GPNMB: variants seen among roughly 807,000 people sequenced by gnomAD.
GPNMB encodes the protein transmembrane glycoprotein NMB.
A neutral mutation model predicts 57.3 loss-of-function variants in GPNMB; 71 were observed. The observed-to-expected ratio is 1.24, with a 90% CI of 1.02 to 1.51. The LOEUF (loss-of-function observed/expected upper bound fraction) is 1.51, where lower values mean the gene tolerates loss of function less well. GPNMB is among the 40% of genes most tolerant of loss of function. The pLI is 0.00. For synonymous variants in GPNMB, 253 were observed against 263.2 expected, an observed-to-expected ratio of 0.96 and a Z score of 0.38; for missense variants, 677 against 691.9, an observed-to-expected ratio of 0.98 and a Z score of 0.24.
chr7:23,269,713 G>C (rs1022097231), intron 8 of GPNMB, among the ~76,000 whole-genome samples: 6 of 152,152 alleles, frequency 3.9e-5, no homozygotes, highest in Non-Finnish European at 5.9e-5. Context: ...CTTCCCCTGG[G>C]GGAGATCTTT....
At chr7:23,265,215 C>G (rs1783028741) in intron 6 of GPNMB, among the ~76,000 whole-genome samples, 1 of 152,196 alleles carries the variant, frequency 6.6e-6, no homozygotes, top group Admixed American at 6.5e-5. Context: ...AGGAAAATCA[C>G]AGGGATGTTC....
At chr7:23,246,971 T>G in intron 1 of GPNMB, 44 bp downstream of exon 1, 20 of 1,331,326 alleles carry the variant, frequency 1.5e-5, no homozygotes, top group African/African-American at 4.3e-5. Flanking sequence ...TCTCTGGCCA[T>G]TGGCTGAAAT....
rs200910471 is a variant in GPNMB, at chr7:23,273,608, T to G, written c.1517T>G (p.Val506Gly). 2 of 1,604,558 alleles carry G rather than the reference T, an allele frequency of 1.2e-6. No individual in the cohort carries two copies. The highest frequency in any genetic ancestry group is 2.2e-5 in the East Asian group (1 of 44,816). ...AIFVTVISLL[V>G]YKKHKEYNPI... is the part of the protein sequence containing the mutation. ...TTTGTCACTGTGATCTCCCTCTTGGTGTACAAGTAAGTTTTTGGTTCCTAC... is the reference window on the plus strand; with the variant it reads ...TTTGTCACTGTGATCTCCCTCTTGGGGTACAAGTAAGTTTTTGGTTCCTAC... Residue 506 changes from valine (V) to glycine (G), a missense_variant, in exon 10 of 11, where the codon GTG (valine) becomes GGG (glycine). Transcript: ENST00000258733.
chr7:23,248,603 G>A (rs1047743342), intron 1 of GPNMB, among the ~76,000 whole-genome samples: 1 of 152,118 alleles, frequency 6.6e-6, no homozygotes, highest in African/African-American at 2.4e-5. Flanking sequence ...CAAGGTAGGT[G>A]GAGGCAGCCC....
chr7:23,262,312 G>A (rs1338298899), intron 6 of GPNMB, among the ~76,000 whole-genome samples: 1 of 152,070 alleles, frequency 6.6e-6, no homozygotes, highest in African/African-American at 2.4e-5. Flanking sequence ...GTCCCCACTC[G>A]TACTCTCCTC....
intron 1 of GPNMB, chr7:23,247,230 C>T: frequency 2.5e-6 from 1 of 400,530 alleles, no homozygotes. Context: ...GAGGGTTGGA[C>T]AGCCTCCGGC....
rs147916545 is a variant in GPNMB, at chr7:23,262,006, A to G, written c.1018+1233A>G. 2.6e-3 allele frequency among the ~76,000 whole-genome samples: 395 copies of G among 152,226 alleles called. 1 individual carries two copies. Among genetic ancestry groups the G allele is most frequent in the African/African-American group, 8.9e-3 (369 of 41,520 alleles). ...GCACCCCAGGATCCTGGGGATAGCAATAGGCTGACATCCTCTCACTGGTCA... is the reference window on the plus strand; with the variant it reads ...GCACCCCAGGATCCTGGGGATAGCAGTAGGCTGACATCCTCTCACTGGTCA... On this transcript the variant is annotated intron_variant, in intron 6 of 10. Transcript: ENST00000258733.
intron 1 of GPNMB, among the ~76,000 whole-genome samples, chr7:23,253,101 A>G (rs1583815639): frequency 6.6e-6 from 1 of 152,236 alleles, no homozygotes; most frequent in African/African-American, 2.4e-5. Flanking sequence ...TGATTCATTT[A>G]AAGTTCATAA....
rs764251856 is a variant in GPNMB, at chr7:23,267,996, T to C, written c.1220+8T>C. 6.4e-7 allele frequency: 1 copy of C among 1,552,490 alleles called. No homozygotes were observed. Among genetic ancestry groups the C allele is most frequent in the South Asian group, 1.1e-5 (1 of 89,724 alleles). ...CGTGACCTGCCAAGGGAGGTGAGTA[T>C]ATTATCTCCGACAGAGGCATGGGTG... On this transcript the variant is annotated splice_region_variant and intron_variant, in intron 8 of 10. Coordinates refer to ENST00000258733, the MANE Select transcript of GPNMB (RefSeq NM_002510.3).
At chr7:23,273,916 G>A (rs960122322) in intron 10 of GPNMB, 149 bp from the exon 11 acceptor site, 31 of 611,808 alleles carry the variant, frequency 5.1e-5, no homozygotes, top group Non-Finnish European at 7.6e-5. Flanking sequence ...GTAAATAAAT[G>A]TACTTTCATA....
chr7:23,269,699 G>GC (rs1020991490), intron 8 of GPNMB, among the ~76,000 whole-genome samples: 1 of 152,168 alleles, frequency 6.6e-6, no homozygotes, highest in South Asian at 2.1e-4. Flanking sequence ...GTTTCCATCA[G>GC]CCCCTTCCCC....
Position 23,254,153 on chromosome 7 carries a change from C to T in GPNMB, c.224-16C>T. 2.5e-6 allele frequency: 4 copies of T among 1,587,854 alleles called. No individual in the cohort carries two copies. Among genetic ancestry groups the T allele is most frequent in the Non-Finnish European group, 3.4e-6 (4 of 1,170,698 alleles). ...AAAGATGCTGGATCATCGAGCCCCACTTTTTTATACCCTAGGAGGCCGTGT... is the reference window on the plus strand; with the variant it reads ...AAAGATGCTGGATCATCGAGCCCCATTTTTTTATACCCTAGGAGGCCGTGT... On this transcript the variant is annotated splice_polypyrimidine_tract_variant and intron_variant, in intron 2 of 10. Coordinates refer to ENST00000258733, the MANE Select transcript of GPNMB (RefSeq NM_002510.3).
At chr7:23,253,919 T>C (rs1782716277) in intron 2 of GPNMB, among the ~76,000 whole-genome samples, 1 of 152,214 alleles carries the variant, frequency 6.6e-6, no homozygotes, top group African/African-American at 2.4e-5. Context: ...CAGAGCTGAT[T>C]TGTTTTATTA....
chr7:23,269,927 T>A, intron 8 of GPNMB, 40 bp from the exon 9 acceptor site: 6 of 1,410,602 alleles, frequency 4.3e-6, no homozygotes, highest in Non-Finnish European at 6.0e-6. Context: ...TCTCCCCTTC[T>A]CTGTGCCCTG....
At chr7:23,259,217 C>A (rs917392787) in intron 4 of GPNMB, among the ~76,000 whole-genome samples, 1 of 152,112 alleles carries the variant, frequency 6.6e-6, no homozygotes, top group Non-Finnish European at 1.5e-5. Flanking sequence ...GACAGAGTCT[C>A]GCTCTGTCAC....
Position 23,253,433 on chromosome 7 carries a change from A to T in GPNMB, c.197A>T (p.Asp66Val), listed in dbSNP as rs538063242. 1 of 1,613,686 alleles carries T rather than the reference A, an allele frequency of 6.2e-7. No homozygotes were observed. The highest frequency in any genetic ancestry group is 8.5e-7 in the Non-Finnish European group (1 of 1,179,906). Reference protein sequence around the residue: ...EKLYPVWKRGDMRWKNSWKGG... With the variant: ...EKLYPVWKRGVMRWKNSWKGG... ...CTCTACCCAGTGTGGAAGCGGGGAG[A>T]CATGAGGTGGAAAAACTCCTGGAAG... Residue 66 changes from aspartate to valine, a missense_variant, in exon 2 of 11, where the codon GAC becomes GTC. By Grantham distance (152) the Asp-to-Val change is radical. Transcript: ENST00000258733.
chr7:23,247,683 G>T (rs1312371881), intron 1 of GPNMB: 1 of 152,416 alleles, frequency 6.6e-6, no homozygotes. Context: ...GGCCAAAGGC[G>T]CAGCGGCTTC....
chr7:23,262,835 G>A (rs1468703145), intron 6 of GPNMB, among the ~76,000 whole-genome samples: 1 of 151,824 alleles, frequency 6.6e-6, no homozygotes, highest in African/African-American at 2.4e-5. Context: ...GCCCAGGCTG[G>A]TCTCCAACTC....
At chr7:23,252,054 G>A (rs1447346618) in intron 1 of GPNMB, among the ~76,000 whole-genome samples, 2 of 152,124 alleles carry the variant, frequency 1.3e-5, no homozygotes, top group Non-Finnish European at 2.9e-5. Flanking sequence ...TAAAAGAACT[G>A]TAATATTACA....
Sources: gnomAD v4.1 joint callset for allele counts (sites outside exome capture counted in the v4.1 genomes callset) on GRCh38, gnomAD v4.1.1 for gene constraint, MANE v1.5 for transcripts, NCBI Gene and HGNC (gene_info 2026-07-23, HGNC 2026-07-21) for gene names.